Variants in SASH1 observed in about 807,000 individuals in gnomAD.
The protein encoded by SASH1 is SAM and SH3 domain containing 1, also known as SAM and SH3 domain-containing protein 1.
A neutral mutation model predicts 125.2 loss-of-function variants in SASH1; 44 were observed. The ratio of observed to expected loss-of-function variants is 0.35; its 90% CI spans 0.28 to 0.45. SASH1 has a LOEUF of 0.45. SASH1 is among the 20% of genes least tolerant of loss of function. The pLI, the probability that SASH1 is intolerant of heterozygous loss-of-function variation, is 1.00. For missense variants in SASH1, 1,426 were observed against 1,614.5 expected (o/e 0.88, Z 2.00); for synonymous variants, 639 against 649.1 (o/e 0.98, Z 0.24).
the SASH1 span, among the ~76,000 whole-genome samples, chr6:148,213,328 C>T: frequency 4.6e-5 from 7 of 152,018 alleles, no homozygotes; most frequent in African/African-American, 7.3e-5. Context: ...CTCCTACCCA[C>T]GAACCCCAGA....
At chr6:148,298,647 A>AAGGGAGGGAGGG (rs199849000) in intron 1 of SASH1, among the ~76,000 whole-genome samples, 1 of 92,454 alleles carries the variant, frequency 1.1e-5, no homozygotes, top group African/African-American at 4.3e-5. Context: ...AGAAGGAAGG[A>AAGGGAGGGAGGG]AGGGAGGGAG....
the SASH1 span, among the ~76,000 whole-genome samples, chr6:148,239,702 G>T: frequency 1.8e-5 from 1 of 54,130 alleles, no homozygotes; most frequent in Admixed American, 1.8e-4. Context: ...CATATAGATC[G>T]GCTTTTTTTT....
At chr6:148,374,798 A>G (rs552173789) in intron 1 of SASH1, among the ~76,000 whole-genome samples, 1 of 151,916 alleles carries the variant, frequency 6.6e-6, no homozygotes, top group African/African-American at 2.4e-5. Flanking sequence ...TCTGGGTTCA[A>G]GCGATCTCCT....
intron 1 of SASH1, among the ~76,000 whole-genome samples, chr6:148,326,852 G>T (rs75310911): frequency 6.6e-6 from 1 of 152,024 alleles, no homozygotes; most frequent in Non-Finnish European, 1.5e-5. Flanking sequence ...AATAAAATCC[G>T]CCCTCCGAGC....
chr6:148,369,976 A>C (rs12525742), intron 1 of SASH1, among the ~76,000 whole-genome samples: 4 of 149,862 alleles, frequency 2.7e-5, no homozygotes, highest in South Asian at 2.1e-4. Flanking sequence ...CAAAAAAAAA[A>C]AAAAAAAAAA....
intron 11 of SASH1, among the ~76,000 whole-genome samples, chr6:148,527,094 G>T (rs1967435): frequency 2.6e-5 from 4 of 151,954 alleles, no homozygotes. Context: ...GGATGGTCTC[G>T]ATCTCCTGAC....
At chr6:148,367,572 G>C (rs1782522009) in intron 1 of SASH1, among the ~76,000 whole-genome samples, 1 of 152,222 alleles carries the variant, frequency 6.6e-6, no homozygotes, top group African/African-American at 2.4e-5. Context: ...GGGGAGGGTG[G>C]ACCAGGGTGA....
At chr6:148,426,604 G>A (rs1775836186) in intron 2 of SASH1, among the ~76,000 whole-genome samples, 1 of 152,186 alleles carries the variant, frequency 6.6e-6, no homozygotes, top group Admixed American at 6.5e-5. Flanking sequence ...GAAATGCAAA[G>A]TGAGTGACTT....
At chr6:148,426,178 T>C (rs957497564) in intron 2 of SASH1, among the ~76,000 whole-genome samples, 8 of 152,228 alleles carry the variant, frequency 5.3e-5, no homozygotes, top group Non-Finnish European at 1.2e-4. Context: ...CACTGCACTC[T>C]TTTAGCCTGG....
chr6:148,356,977 A>G (rs1419353396), intron 1 of SASH1, among the ~76,000 whole-genome samples: 1 of 152,012 alleles, frequency 6.6e-6, no homozygotes, highest in Non-Finnish European at 1.5e-5. Context: ...GGCCGTTTGT[A>G]TATCTTCTTT....
At position 148,452,149 on chromosome 6, in the gene SASH1, G is replaced by T. The variant is rs9373562; in HGVS notation, c.386+11742G>T. Among the ~76,000 whole-genome samples the T allele has an allele frequency of 3.9e-5, 6 of 152,250 alleles. No individual in the cohort carries two copies. In the East Asian group the frequency reaches 7.7e-4, roughly 20 times the overall value. ...ATTATTTGTTTTTTCAGGCACACTAGGGTGGGAAGCATAGGCAAAATGGCA... is the reference window on the plus strand; with the variant it reads ...ATTATTTGTTTTTTCAGGCACACTATGGTGGGAAGCATAGGCAAAATGGCA... On this transcript the variant is annotated intron_variant, in intron 4 of 19. Transcript: ENST00000367467.
At chr6:148,279,699 T>C (rs1779283052) in intron 1 of SASH1, among the ~76,000 whole-genome samples, 1 of 152,026 alleles carries the variant, frequency 6.6e-6, no homozygotes, top group Non-Finnish European at 1.5e-5. Flanking sequence ...ATCATCATTT[T>C]AAAAAATATT....
At chr6:148,299,018 T>C (rs949067663) in intron 1 of SASH1, among the ~76,000 whole-genome samples, 2 of 152,156 alleles carry the variant, frequency 1.3e-5, no homozygotes, top group African/African-American at 4.8e-5. Flanking sequence ...AATTCACAAA[T>C]AAAAGCACAC....
chr6:148,199,597 C>T, the SASH1 span, among the ~76,000 whole-genome samples: 3 of 151,838 alleles, frequency 2.0e-5, no homozygotes, highest in Non-Finnish European at 4.4e-5. Context: ...ATTCGGCAGG[C>T]GGAGGCAGGA....
intron 2 of SASH1, among the ~76,000 whole-genome samples, chr6:148,408,838 A>G (rs1328326039): frequency 1.3e-5 from 2 of 152,174 alleles, no homozygotes; most frequent in African/African-American, 2.4e-5. Context: ...TTGAGTTAAT[A>G]TTTGCATATG....
At chr6:148,498,160 G>A (rs1056492873) in intron 8 of SASH1, among the ~76,000 whole-genome samples, 1 of 151,764 alleles carries the variant, frequency 6.6e-6, no homozygotes, top group African/African-American at 2.4e-5. Context: ...AAGGTGGGTG[G>A]ATTGCCTGAG....
chr6:148,221,146 T>A, the SASH1 span, among the ~76,000 whole-genome samples: 1 of 152,250 alleles, frequency 6.6e-6, no homozygotes, highest in African/African-American at 2.4e-5. Context: ...AATTGCTTGC[T>A]AAATTTGAAA....
At chr6:148,379,665 C>T (rs1783055292) in intron 1 of SASH1, among the ~76,000 whole-genome samples, 1 of 152,152 alleles carries the variant, frequency 6.6e-6, no homozygotes. Context: ...TATTACGTAA[C>T]TGCTAAGTGT....
intron 1 of SASH1, among the ~76,000 whole-genome samples, chr6:148,375,477 T>C (rs1782856531): frequency 6.6e-6 from 1 of 152,148 alleles, no homozygotes; most frequent in African/African-American, 2.4e-5. Context: ...TTCCAAGATG[T>C]TTTAAATCTA....
Sources: allele counts gnomAD v4.1 joint callset (sites outside exome capture counted in the v4.1 genomes callset), GRCh38; gene constraint gnomAD v4.1.1; transcripts MANE v1.5; gene names NCBI Gene and HGNC (gene_info 2026-07-23, HGNC 2026-07-21).